Variants in SH3RF2 observed in about 807,000 individuals in gnomAD.
The protein encoded by SH3RF2 is SH3 domain containing ring finger 2.
A neutral mutation model predicts 59.0 loss-of-function variants in SH3RF2; 43 were observed. That is an observed-to-expected ratio of 0.73 (90% CI 0.57 to 0.94). SH3RF2 has a LOEUF of 0.94. Ranked by LOEUF, SH3RF2 falls within the 40% of genes least tolerant of loss-of-function variation. The probability of loss-of-function intolerance (pLI) is 0.00; values close to 1 mark genes in which losing one functional copy is unlikely to be tolerated. For synonymous variants in SH3RF2, 391 were observed against 391.5 expected (o/e 1.00, Z 0.01); for missense variants, 930 against 940.1 (o/e 0.99, Z 0.14).
rs566806893 is a variant in SH3RF2, at chr5:146,062,978, C to A, written c.*277C>A. The A allele has an allele frequency of 7.0e-5, 33 of 471,100 alleles. No homozygotes were observed. The highest frequency in any genetic ancestry group is 3.9e-4 in the African/African-American group (20 of 51,472). 29.2% of individuals were successfully genotyped at this position (471,100 alleles called of 1,614,324 possible). A position where few individuals can be genotyped will look rare whatever the true frequency, so the allele number is the denominator to read the frequency against. On this transcript the variant is annotated 3_prime_UTR_variant, in exon 10 of 10. Coordinates refer to ENST00000359120, the MANE Select transcript of SH3RF2 (RefSeq NM_152550.4). ...AAAAATTGTCGTGCCCACTTTATGC[C>A]CCAGCATGGAGTATGTGGCCTCTTG...
intron 3 of SH3RF2, among the ~76,000 whole-genome samples, chr5:146,003,115 GATGA>G (rs1760494120): frequency 6.6e-6 from 1 of 152,198 alleles, no homozygotes; most frequent in African/African-American, 2.4e-5. Flanking sequence ...GGTTGAACTT[GATGA>G]ATGGTTTATG....
chr5:146,003,499 T>C (rs1322421339), intron 3 of SH3RF2, among the ~76,000 whole-genome samples: 1 of 152,246 alleles, frequency 6.6e-6, no homozygotes, highest in Non-Finnish European at 1.5e-5. Context: ...AAATGTGTTA[T>C]TCAAGCTGTT....
chr5:146,020,240 T>G (rs1233392254), intron 5 of SH3RF2, among the ~76,000 whole-genome samples: 1 of 152,116 alleles, frequency 6.6e-6, no homozygotes, highest in East Asian at 1.9e-4. Context: ...TATTCTAGAC[T>G]CTCCATGATC....
At chr5:145,970,131 T>A (rs1487272576) in intron 2 of SH3RF2, among the ~76,000 whole-genome samples, 3 of 152,196 alleles carry the variant, frequency 2.0e-5, no homozygotes, top group Non-Finnish European at 4.4e-5. Context: ...ATTTTATTTT[T>A]TTTTTCAATC....
chr5:146,031,917 C>T (rs1043210508), intron 5 of SH3RF2, among the ~76,000 whole-genome samples: 1 of 152,040 alleles, frequency 6.6e-6, no homozygotes, highest in Non-Finnish European at 1.5e-5. Context: ...TAAGACCCAC[C>T]CCAAAGCTAA....
At chr5:145,940,602 G>C (rs1757780069) in intron 2 of SH3RF2, among the ~76,000 whole-genome samples, 6 of 152,134 alleles carry the variant, frequency 3.9e-5, no homozygotes, top group Admixed American at 3.9e-4. Context: ...AAAGCTACTT[G>C]CTACCCACCT....
chr5:145,953,067 T>C (rs1024885523), intron 2 of SH3RF2, among the ~76,000 whole-genome samples: 21 of 151,738 alleles, frequency 1.4e-4, no homozygotes, highest in African/African-American at 4.4e-4. Flanking sequence ...ACAGAAATGG[T>C]AAAGGCTCTG....
chr5:146,073,395 T>C (rs998485224), intron 9 of SH3RF2, among the ~76,000 whole-genome samples: 4 of 152,244 alleles, frequency 2.6e-5, no homozygotes, highest in African/African-American at 9.6e-5. Context: ...AAATGTCCAT[T>C]CTGATTTGCA....
rs758114983 is a variant in SH3RF2, at chr5:146,060,126, G to T, written c.1816G>T (p.Glu606Ter). Residue 606 changes from glutamate (E) to a stop codon, truncating the protein, a stop_gained, in exon 9 of 10, where the codon GAA becomes TAA. Coordinates refer to ENST00000359120, the MANE Select transcript of SH3RF2 (RefSeq NM_152550.4). LOFTEE classifies it high-confidence loss of function. ...CAGCTCCCTCATTATGGAAGACAAAGAAATCCCCATCAAGAGTGAGCCTCT... is the reference window on the plus strand; with the variant it reads ...CAGCTCCCTCATTATGGAAGACAAATAAATCCCCATCAAGAGTGAGCCTCT... ...AASSLIMEDK[E>*]IPIKSEPLPK... The T allele has an allele frequency of 3.1e-6, 5 of 1,614,116 alleles. No homozygotes were observed. The highest frequency in any genetic ancestry group is 4.2e-6 in the Non-Finnish European group (5 of 1,180,002).
chr5:146,004,527 T>G (rs1359526158), intron 4 of SH3RF2, among the ~76,000 whole-genome samples: 1 of 152,192 alleles, frequency 6.6e-6, no homozygotes, highest in Non-Finnish European at 1.5e-5. Flanking sequence ...TTCACCATAA[T>G]GTTAGGCGAT....
At chr5:145,956,928 T>C (rs1375391082) in intron 2 of SH3RF2, among the ~76,000 whole-genome samples, 1 of 152,228 alleles carries the variant, frequency 6.6e-6, no homozygotes, top group Admixed American at 6.5e-5. Context: ...GAGAAGAAGG[T>C]TGTGCTAGAA....
At position 146,013,787 on chromosome 5, in the gene SH3RF2, G is replaced by A. The variant is rs752137774; in HGVS notation, c.785G>A (p.Gly262Asp). 6.2e-7 allele frequency: 1 copy of A among 1,614,120 alleles called. No individual in the cohort carries two copies. Among genetic ancestry groups the A allele is most frequent in the East Asian group, 2.2e-5 (1 of 44,874 alleles). The change falls in exon 5 of 10, where the codon GGT becomes GAT. Residue 262 changes from glycine to aspartate, a missense_variant. Physicochemically the swap from Gly to Asp is moderately conservative, Grantham distance 94. Coordinates refer to ENST00000359120, the MANE Select transcript of SH3RF2 (RefSeq NM_152550.4). ...AGACACCTTTTAGAGAAGAACAAAG[G>A]TCGCCAGTCATCCCGCACAAAAAAC... The part of the protein sequence containing the change: ...TARHLLEKNK[G>D]RQSSRTKNLS...
chr5:145,969,121 A>G (rs900653153), intron 2 of SH3RF2, among the ~76,000 whole-genome samples: 1 of 152,178 alleles, frequency 6.6e-6, no homozygotes, highest in Non-Finnish European at 1.5e-5. Context: ...GTGTGCAAAT[A>G]TTTACATGCT....
intron 5 of SH3RF2, 29 bp from the exon 6 acceptor site, chr5:146,047,743 C>T (rs1762357182): frequency 1.9e-6 from 3 of 1,609,506 alleles, no homozygotes; most frequent in African/African-American, 1.3e-5. Context: ...TTCATTGGTT[C>T]TGCTTGGCTG....
chr5:146,064,791 G>A (rs1361787681), downstream of SH3RF2, among the ~76,000 whole-genome samples: 124 of 30,530 alleles, frequency 4.1e-3, 11 homozygotes, highest in African/African-American at 0.014. Flanking sequence ...AAGGAAGGAA[G>A]GAAGGAAGGA....
chr5:145,983,825 G>A (rs768465903), intron 2 of SH3RF2, among the ~76,000 whole-genome samples: 4 of 152,072 alleles, frequency 2.6e-5, no homozygotes, highest in Non-Finnish European at 5.9e-5. Flanking sequence ...GTACCCACTG[G>A]AAAAACTGGG....
intron 2 of SH3RF2, among the ~76,000 whole-genome samples, chr5:145,968,523 A>C (rs1454973486): frequency 6.6e-6 from 1 of 152,212 alleles, no homozygotes; most frequent in Non-Finnish European, 1.5e-5. Flanking sequence ...CATAGAAAAA[A>C]ATCCAGAACA....
At chr5:145,997,977 C>A in intron 2 of SH3RF2, 1 of 767,226 alleles carries the variant, frequency 1.3e-6, no homozygotes, top group Non-Finnish European at 2.4e-6. Context: ...GTGGTCCCAC[C>A]CAGAACATAT....
intron 5 of SH3RF2, among the ~76,000 whole-genome samples, chr5:146,016,126 G>A (rs1253232631): frequency 6.6e-6 from 1 of 152,124 alleles, no homozygotes; most frequent in East Asian, 1.9e-4. Context: ...CTGGGCAGGT[G>A]GTGGTGACAT....
Sources: gnomAD v4.1 joint callset for allele counts (sites outside exome capture counted in the v4.1 genomes callset) on GRCh38, gnomAD v4.1.1 for gene constraint, MANE v1.5 for transcripts, NCBI Gene and HGNC (gene_info 2026-07-23, HGNC 2026-07-21) for gene names.